The following GLIS3 variants were observed in gnomAD, a reference collection of about 807,000 sequenced individuals.
The protein encoded by GLIS3 is zinc finger protein GLIS3.
In GLIS3, 53 loss-of-function variants were observed where a neutral mutation model predicts 78.6. That is an observed-to-expected ratio of 0.67 (90% CI 0.54 to 0.85). The LOEUF (loss-of-function observed/expected upper bound fraction) is 0.85, where lower values mean the gene tolerates loss of function less well. Ranked by LOEUF, GLIS3 falls within the 40% of genes least tolerant of loss-of-function variation. The pLI, the probability that GLIS3 is intolerant of heterozygous loss-of-function variation, is 0.00. For synonymous variants in GLIS3, 684 were observed against 509.9 expected, an observed-to-expected ratio of 1.34 and a Z score of -4.60; for missense variants, 1,703 against 1,231.1, an observed-to-expected ratio of 1.38 and a Z score of -5.74.
chr9:4,300,099 GCTTC>G (rs1272485975), upstream of GLIS3, among the ~76,000 whole-genome samples: 1 of 150,940 alleles, frequency 6.6e-6, no homozygotes, highest in Non-Finnish European at 1.5e-5. Flanking sequence ...GTAGCCAGCT[GCTTC>G]CTGAGTGTGA....
rs1035223323 is a variant in GLIS3, at chr9:4,187,671, C to T, written c.389-61730G>A. Among the ~76,000 whole-genome samples, 12 of 152,206 alleles carry T rather than the reference C, an allele frequency of 7.9e-5. No homozygotes were observed. The East Asian group carries it at 1.2e-3, about 15-fold the overall frequency. Reference sequence around the variant, plus strand: ...TTTGTTTGTATCCTCTTTTATTTCACTGAGCAGTGGTTTGTAGTTCTCCTT... The same window carrying T: ...TTTGTTTGTATCCTCTTTTATTTCATTGAGCAGTGGTTTGTAGTTCTCCTT... On this transcript the variant is annotated intron_variant, in intron 2 of 10. Transcript: ENST00000381971.
At chr9:4,058,688 T>C (rs1034474007) in intron 4 of GLIS3, among the ~76,000 whole-genome samples, 14 of 152,114 alleles carry the variant, frequency 9.2e-5, no homozygotes, top group African/African-American at 3.4e-4. Flanking sequence ...AAATATTTTG[T>C]GTAAAAGAAC....
chr9:4,216,412 G>A (rs554201944), intron 2 of GLIS3, among the ~76,000 whole-genome samples: 172 of 139,336 alleles, frequency 1.2e-3, no homozygotes, highest in Non-Finnish European at 2.2e-3. Context: ...TGAGAAAGGC[G>A]GAGCTTGCAG....
intron 1 of GLIS3, among the ~76,000 whole-genome samples, chr9:4,297,997 C>A (rs1327509991): frequency 1.3e-5 from 2 of 152,146 alleles, no homozygotes; most frequent in Non-Finnish European, 2.9e-5. Flanking sequence ...GGCTGCGACC[C>A]CGTCACTCCC....
At chr9:3,843,875 A>C (rs1818875261) in intron 9 of GLIS3, among the ~76,000 whole-genome samples, 1 of 152,196 alleles carries the variant, frequency 6.6e-6, no homozygotes, top group Non-Finnish European at 1.5e-5. Context: ...GTAAGAAGGG[A>C]GGGTTCAGTA....
intron 4 of GLIS3, among the ~76,000 whole-genome samples, chr9:4,058,695 G>C (rs1309187449): frequency 6.6e-6 from 1 of 152,180 alleles, no homozygotes; most frequent in South Asian, 2.1e-4. Flanking sequence ...TTGTGTAAAA[G>C]AACCATAGAG....
At chr9:4,210,749 G>A (rs921238528) in intron 2 of GLIS3, among the ~76,000 whole-genome samples, 1 of 152,224 alleles carries the variant, frequency 6.6e-6, no homozygotes, top group Non-Finnish European at 1.5e-5. Context: ...CTGGCTGTAC[G>A]CTTCGATGCA....
intron 2 of GLIS3, among the ~76,000 whole-genome samples, chr9:4,145,624 T>TCC (rs1564114951): frequency 3.3e-5 from 5 of 151,572 alleles, no homozygotes; most frequent in African/African-American, 1.2e-4. Flanking sequence ...AGCCCGACTC[T>TCC]GAGAGCAGTC....
At chr9:4,329,339 ATAAT>A (rs1817649436) in intron 2 of GLIS3, among the ~76,000 whole-genome samples, 1 of 152,170 alleles carries the variant, frequency 6.6e-6, no homozygotes, top group Non-Finnish European at 1.5e-5. Flanking sequence ...CTTGTTTCCG[ATAAT>A]TAATGTTTTC....
intron 4 of GLIS3, among the ~76,000 whole-genome samples, chr9:4,033,567 A>C (rs1038886044): frequency 6.6e-6 from 1 of 152,138 alleles, no homozygotes; most frequent in Non-Finnish European, 1.5e-5. Context: ...CGCTCCTTAA[A>C]GTGTTTTCCA....
At chr9:3,992,152 T>A (rs1438734101) in intron 4 of GLIS3, among the ~76,000 whole-genome samples, 1 of 152,196 alleles carries the variant, frequency 6.6e-6, no homozygotes, top group Admixed American at 6.5e-5. Context: ...TCACAACAAA[T>A]GATGTTAGAA....
the GLIS3 span, among the ~76,000 whole-genome samples, chr9:4,395,495 A>G: frequency 6.6e-6 from 1 of 152,162 alleles, no homozygotes; most frequent in Admixed American, 6.5e-5. Context: ...TCCAGCTCCG[A>G]TGCTCTAGCT....
At position 4,133,650 on chromosome 9, in the gene GLIS3, G is replaced by A. The variant is rs183326959; in HGVS notation, c.389-7709C>T. On this transcript the variant is annotated intron_variant, in intron 2 of 10. Coordinates refer to ENST00000381971, the MANE Select transcript of GLIS3 (RefSeq NM_001042413.2). ...ACACTAGCAGTTACCTCAGTTTGGAGGATTAAAAAGTCTAATATATGTAAT... is the reference window on the plus strand; with the variant it reads ...ACACTAGCAGTTACCTCAGTTTGGAAGATTAAAAAGTCTAATATATGTAAT... Among the ~76,000 whole-genome samples, 201 of 152,278 alleles carry A rather than the reference G, an allele frequency of 1.3e-3. 2 individuals are homozygous for A. The highest frequency in any genetic ancestry group is 6.0e-4 in the African/African-American group (25 of 41,560).
chr9:4,365,675 G>A, the GLIS3 span, among the ~76,000 whole-genome samples: 63 of 152,284 alleles, frequency 4.1e-4, 1 homozygote, highest in African/African-American at 1.4e-3. Flanking sequence ...CTCAGAAAAC[G>A]TCATCTGAAA....
Position 4,066,458 on chromosome 9 carries a change from A to C in GLIS3, c.1710+51310T>G, listed in dbSNP as rs16920565. 5.2e-3 allele frequency among the ~76,000 whole-genome samples: 792 copies of C among 152,238 alleles called. 3 individuals carry two copies. Among genetic ancestry groups the C allele is most frequent in the African/African-American group, 0.018 (750 of 41,552 alleles). Reference sequence around the variant, plus strand: ...TGAAACAAGAGTATAAAAGCAACTTACCAGCCCAGAGGAGAAGCTCCCTGC... The same window carrying C: ...TGAAACAAGAGTATAAAAGCAACTTCCCAGCCCAGAGGAGAAGCTCCCTGC... On this transcript the variant is annotated intron_variant, in intron 4 of 10. Coordinates refer to ENST00000381971, the MANE Select transcript of GLIS3 (RefSeq NM_001042413.2).
At chr9:3,995,720 C>T (rs996673726) in intron 4 of GLIS3, among the ~76,000 whole-genome samples, 29 of 151,818 alleles carry the variant, frequency 1.9e-4, no homozygotes, top group African/African-American at 6.1e-4. Context: ...AGAGACTTAG[C>T]GACTTTGAAA....
At chr9:4,054,336 C>G in intron 4 of GLIS3, 1 of 985,408 alleles carries the variant, frequency 1.0e-6, no homozygotes, top group Non-Finnish European at 1.2e-6. Flanking sequence ...CACAAGACCT[C>G]CACCTTTCCA....
At chr9:4,440,876 T>C in the GLIS3 span, among the ~76,000 whole-genome samples, 1 of 152,182 alleles carries the variant, frequency 6.6e-6, no homozygotes, top group Non-Finnish European at 1.5e-5. Context: ...ATCTTTCACT[T>C]CCTTGGTTAA....
intron 7 of GLIS3, among the ~76,000 whole-genome samples, chr9:3,888,628 G>A (rs114526230): frequency 2.6e-5 from 4 of 152,294 alleles, no homozygotes; most frequent in East Asian, 1.9e-4. Flanking sequence ...AGCCCTGGGC[G>A]AAACTGCATC....
Sources: allele counts gnomAD v4.1 joint callset (sites outside exome capture counted in the v4.1 genomes callset), GRCh38; gene constraint gnomAD v4.1.1; transcripts MANE v1.5; gene names NCBI Gene and HGNC (gene_info 2026-07-23, HGNC 2026-07-21).